The following ZNF564 variants were observed in gnomAD, a reference collection of about 807,000 sequenced individuals.
ZNF564 encodes the protein zinc finger protein 564.
Under a neutral mutation model 10.5 loss-of-function variants are expected in ZNF564, and 5 were observed. That is an observed-to-expected ratio of 0.48 (90% CI 0.25 to 1.00). The LOEUF is 1.00. Ranked by LOEUF, ZNF564 falls within the 50% of genes least tolerant of loss-of-function variation. ZNF564 has a pLI of 0.16. For synonymous variants in ZNF564, 242 were observed against 218.1 expected (o/e 1.11, Z -0.97); for missense variants, 603 against 669.7 (o/e 0.90, Z 1.10).
chr19:12,526,368 C>T lies in ZNF564; in HGVS notation c.*78G>A. On this transcript the variant is annotated 3_prime_UTR_variant, in exon 4 of 4. Transcript: ENST00000339282. Reference sequence around the variant, plus strand: ...CAGGAGAAAGGGGTGAGCTCCCAAACAAGTCTGAAACCCAGAAAGCAAACT... The same window carrying T: ...CAGGAGAAAGGGGTGAGCTCCCAAATAAGTCTGAAACCCAGAAAGCAAACT... The T allele has an allele frequency of 2.8e-6, 4 of 1,436,390 alleles. No individual in the cohort carries two copies. The highest frequency in any genetic ancestry group is 3.7e-6 in the Non-Finnish European group (4 of 1,069,800). The allele number at this position is 1,436,390 out of a possible 1,614,324, so 89.0% of individuals were successfully genotyped here. A position where few individuals can be genotyped will look rare whatever the true frequency, so the allele number is the denominator to read the frequency against.
At chr19:12,539,862 T>A (rs1433641406) in intron 1 of ZNF564, among the ~76,000 whole-genome samples, 1 of 150,504 alleles carries the variant, frequency 6.6e-6, no homozygotes, top group Non-Finnish European at 1.5e-5. Context: ...GCGCCTGTAG[T>A]CCCAGCTACT....
At chr19:12,536,318 A>T (rs1214650719) in intron 1 of ZNF564, among the ~76,000 whole-genome samples, 2 of 152,156 alleles carry the variant, frequency 1.3e-5, no homozygotes, top group Non-Finnish European at 2.9e-5. Context: ...CTGGGACTAC[A>T]GGTACATGTC....
intron 1 of ZNF564, among the ~76,000 whole-genome samples, chr19:12,538,866 CATT>C (rs781648444): frequency 2.0e-5 from 3 of 151,968 alleles, no homozygotes; most frequent in South Asian, 2.1e-4. Flanking sequence ...CAATTTTCAT[CATT>C]ATCAGATGTA....
chr19:12,542,271 T>C (rs2022068734), intron 1 of ZNF564, among the ~76,000 whole-genome samples: 1 of 120,776 alleles, frequency 8.3e-6, no homozygotes, highest in Non-Finnish European at 1.6e-5. Flanking sequence ...ATCACGGCAC[T>C]ACACTCCAGC....
chr19:12,551,033 C>G (rs1489718607), intron 1 of ZNF564, among the ~76,000 whole-genome samples: 3 of 152,242 alleles, frequency 2.0e-5, no homozygotes, highest in Non-Finnish European at 4.4e-5. Context: ...ATGACCCTCC[C>G]GTGTCCCAGT....
chr19:12,528,330 C>G lies in ZNF564; in HGVS notation c.165G>C (p.Trp55Cys), dbSNP rs2021734044. ...KKWEDQSIED[W>C]YKNQGRILRN... ...TTAAAATTCTCCCCTGATTTTTGTA[C>G]CAATCTTCAATGCTCTGGTCTTCCC... The change falls in exon 3 of 4, where the codon TGG becomes TGC. Residue 55 changes from tryptophan (W) to cysteine (C), a missense_variant. Coordinates refer to ENST00000339282, the MANE Select transcript of ZNF564 (RefSeq NM_144976.4). 1 of 1,610,784 alleles carries G rather than the reference C, an allele frequency of 6.2e-7. No homozygotes were observed. The highest frequency in any genetic ancestry group is 1.3e-5 in the African/African-American group (1 of 74,640).
At chr19:12,534,634 T>A (rs2021871735) in intron 1 of ZNF564, among the ~76,000 whole-genome samples, 1 of 151,976 alleles carries the variant, frequency 6.6e-6, no homozygotes, top group African/African-American at 2.4e-5. Flanking sequence ...GCCAACATGG[T>A]GAAACCTTGT....
At chr19:12,544,585 C>T (rs1351614042) in intron 1 of ZNF564, among the ~76,000 whole-genome samples, 3 of 152,142 alleles carry the variant, frequency 2.0e-5, no homozygotes, top group Non-Finnish European at 2.9e-5. Flanking sequence ...CCGCATGAGA[C>T]GGCTAGATAC....
chr19:12,538,407 C>T (rs35334285), intron 1 of ZNF564, among the ~76,000 whole-genome samples: 22,943 of 151,454 alleles, frequency 0.15, 1,898 homozygotes, highest in Non-Finnish European at 0.18. Flanking sequence ...GGGTGGATCA[C>T]GAGGTCAGGA....
intron 1 of ZNF564, among the ~76,000 whole-genome samples, chr19:12,529,605 C>CAAAAAAA (rs34144625): frequency 6.8e-6 from 1 of 147,146 alleles, no homozygotes. Flanking sequence ...GACTAAGTCT[C>CAAAAAAA]AAAAAAAAAA....
At chr19:12,532,864 C>A (rs1467424554) in intron 1 of ZNF564, 1 of 152,114 alleles carries the variant, frequency 6.6e-6, no homozygotes, top group Non-Finnish European at 1.5e-5. Context: ...ATACATGTGG[C>A]AAAATACAAC....
chr19:12,537,881 C>A (rs1163759435), intron 1 of ZNF564, among the ~76,000 whole-genome samples: 1 of 152,036 alleles, frequency 6.6e-6, no homozygotes, highest in African/African-American at 2.4e-5. Context: ...TTTATTACTT[C>A]TAAGTGCGTG....
chr19:12,542,202 G>A (rs936330581), intron 1 of ZNF564, among the ~76,000 whole-genome samples: 3 of 149,446 alleles, frequency 2.0e-5, no homozygotes, highest in Middle Eastern at 3.2e-3. Context: ...CCAGCTACTC[G>A]GGAGGCTGAG....
intron 1 of ZNF564, among the ~76,000 whole-genome samples, chr19:12,535,388 A>G (rs564207966): frequency 6.6e-6 from 1 of 152,288 alleles, no homozygotes; most frequent in South Asian, 2.1e-4. Flanking sequence ...GAAAAAAAGA[A>G]AAGTATGTTA....
chr19:12,527,110 C>G lies in ZNF564; in HGVS notation c.998G>C (p.Gly333Ala). 6.2e-7 allele frequency: 1 copy of G among 1,614,058 alleles called. No individual in the cohort carries two copies. ...YVRKHERTHT[G>A]EKPYECNKCG... ...TTTATTACATTCATAGGGTTTCTCC[C>G]CAGTATGAGTTCTTTCATGCTTTCG... The change falls in exon 4 of 4, where the codon GGG becomes GCG. Residue 333 changes from glycine (G) to alanine (A), a missense_variant. Gly to Ala is a moderately conservative substitution (Grantham distance 60, BLOSUM62 0). Transcript: ENST00000339282.
Position 12,527,018 on chromosome 19 carries a change from G to T in ZNF564, c.1090C>A (p.Pro364Thr). 3.1e-6 allele frequency: 5 copies of T among 1,614,044 alleles called. No homozygotes were observed. Among genetic ancestry groups the T allele is most frequent in the Non-Finnish European group, 4.2e-6 (5 of 1,180,006 alleles). Residue 364 changes from proline to threonine, a missense_variant, in exon 4 of 4, where the codon CCC becomes ACC. Coordinates refer to ENST00000339282, the MANE Select transcript of ZNF564 (RefSeq NM_144976.4). ...TTCCCGCATTCCTTACATTCATAGG[G>T]CTTCTCTCCAGTGTGAGTCCTTTCA... ...THERTHTGEK[P>T]YECKECGKAF...
intron 1 of ZNF564, among the ~76,000 whole-genome samples, chr19:12,529,576 A>G (rs1332079769): frequency 1.3e-5 from 2 of 150,114 alleles, no homozygotes; most frequent in East Asian, 1.9e-4. Flanking sequence ...ATTGCACTCC[A>G]GCCTGGAGGA....
At position 12,527,869 on chromosome 19, in the gene ZNF564, C is replaced by T; in HGVS notation, c.239G>A (p.Cys80Tyr). ...GLSESKEYDQCGEAFSQILNL... is the reference protein window; with the variant it reads ...GLSESKEYDQYGEAFSQILNL... ...GAGAATCTGACTGAAGGCTTCTCCA[C>T]ATTGATCATATTCTTTACTTTCACT... Residue 80 changes from cysteine (C) to tyrosine (Y), a missense_variant, in exon 4 of 4, where the codon TGT becomes TAT. Cys to Tyr is a radical substitution (Grantham distance 194). Coordinates refer to ENST00000339282, the MANE Select transcript of ZNF564 (RefSeq NM_144976.4). 2 of 1,613,232 alleles carry T rather than the reference C, an allele frequency of 1.2e-6. No individual in the cohort carries two copies. The highest frequency in any genetic ancestry group is 2.2e-5 in the South Asian group (2 of 90,930).
At chr19:12,538,449 C>A (rs2021961408) in intron 1 of ZNF564, among the ~76,000 whole-genome samples, 1 of 152,046 alleles carries the variant, frequency 6.6e-6, no homozygotes, top group South Asian at 2.1e-4. Flanking sequence ...GATGATGGAA[C>A]CCCATCTCTA....
Sources: allele counts gnomAD v4.1 joint callset (sites outside exome capture counted in the v4.1 genomes callset), GRCh38; gene constraint gnomAD v4.1.1; transcripts MANE v1.5; gene names NCBI Gene and HGNC (gene_info 2026-07-23, HGNC 2026-07-21).